The following ZNF277 variants were observed in gnomAD, a reference collection of about 807,000 sequenced individuals.
ZNF277 encodes nuclear receptor-interacting factor 4.
Under a neutral mutation model 60.7 loss-of-function variants are expected in ZNF277, and 55 were observed. The observed-to-expected ratio is 0.91, with a 90% confidence interval of 0.73 to 1.13. The LOEUF (loss-of-function observed/expected upper bound fraction) is 1.13. ZNF277 is among the 50% of genes most tolerant of loss of function. The pLI is 0.00. For synonymous variants in ZNF277, 178 were observed against 179.3 expected (o/e 0.99, Z 0.06); for missense variants, 510 against 523.0 (o/e 0.98, Z 0.24).
intron 4 of ZNF277, among the ~76,000 whole-genome samples, chr7:112,297,607 T>G (rs1183887393): frequency 6.6e-6 from 1 of 152,234 alleles, no homozygotes; most frequent in Non-Finnish European, 1.5e-5. Context: ...AAGAAAAGTT[T>G]TCCTGTACAA....
chr7:112,230,391 T>A (rs1208313076), intron 1 of ZNF277, among the ~76,000 whole-genome samples: 2 of 152,224 alleles, frequency 1.3e-5, no homozygotes, highest in Non-Finnish European at 2.9e-5. Context: ...AAATCAGCTA[T>A]GATTTTCTTT....
intron 1 of ZNF277, among the ~76,000 whole-genome samples, chr7:112,268,780 T>A (rs1791602741): frequency 6.6e-6 from 1 of 152,196 alleles, no homozygotes. Flanking sequence ...TACTCTCAAT[T>A]TTTTTAAGAT....
intron 2 of ZNF277, among the ~76,000 whole-genome samples, chr7:112,293,579 C>CAA (rs35455828): frequency 0.016 from 1,849 of 114,976 alleles, 51 homozygotes; most frequent in African/African-American, 0.053. Context: ...GATCTTATCT[C>CAA]AAAAAAAAAA....
At chr7:112,325,792 G>T (rs1793079226) in intron 5 of ZNF277, among the ~76,000 whole-genome samples, 1 of 152,130 alleles carries the variant, frequency 6.6e-6, no homozygotes, top group African/African-American at 2.4e-5. Context: ...GGAACACTTT[G>T]GAGTCAGGAA....
intron 5 of ZNF277, among the ~76,000 whole-genome samples, chr7:112,320,917 CTTTTTT>C (rs1230552751): frequency 6.6e-4 from 65 of 98,354 alleles, no homozygotes; most frequent in African/African-American, 1.7e-3. Context: ...TTGTTTCTTT[CTTTTTT>C]TTTTTTTTTT....
At position 112,330,178 on chromosome 7, in the gene ZNF277, AACAGAG is replaced by A; in HGVS notation, c.765_770del (p.Asn255_Glu257delinsLys). The A allele has an allele frequency of 5.0e-6, 8 of 1,613,146 alleles. No individual in the cohort carries two copies. Among genetic ancestry groups the A allele is most frequent in the Non-Finnish European group, 6.8e-6 (8 of 1,179,792 alleles). ...ACAGCATCGTAAGATTAATCCTAAG[AACAGAG>A]AATATGACAGATTTTATGTCATCAA... On this transcript the variant is annotated inframe_deletion, in exon 7 of 12. Coordinates refer to ENST00000361822, the MANE Select transcript of ZNF277 (RefSeq NM_021994.3).
intron 1 of ZNF277, among the ~76,000 whole-genome samples, chr7:112,257,190 T>C (rs1032675574): frequency 6.6e-6 from 1 of 152,252 alleles, no homozygotes; most frequent in Non-Finnish European, 1.5e-5. Context: ...TAAATTGCTG[T>C]ATATTTTTGG....
chr7:112,325,190 C>T (rs1584412045), intron 5 of ZNF277, among the ~76,000 whole-genome samples: 1 of 152,146 alleles, frequency 6.6e-6, no homozygotes, highest in Admixed American at 6.5e-5. Flanking sequence ...CTGTACCTGG[C>T]CCCCTTTTCA....
At chr7:112,247,970 A>G (rs1273982487) in intron 1 of ZNF277, among the ~76,000 whole-genome samples, 5 of 148,650 alleles carry the variant, frequency 3.4e-5, no homozygotes, top group African/African-American at 9.8e-5. Flanking sequence ...TCCATCTCAA[A>G]AAAAAAAAAA....
At chr7:112,223,254 A>G (rs1822081843) in intron 1 of ZNF277, among the ~76,000 whole-genome samples, 1 of 152,172 alleles carries the variant, frequency 6.6e-6, no homozygotes, top group South Asian at 2.1e-4. Context: ...GGGCCATTTC[A>G]GGATCTGCTG....
At position 112,342,456 on chromosome 7, in the gene ZNF277, G is replaced by T. The variant is rs140397172; in HGVS notation, c.1185-105G>T. On this transcript the variant is annotated intron_variant, in intron 11 of 11. Transcript: ENST00000361822. The stretch of plus-strand genomic sequence containing the variant: ...AGCCTTTGCAAAATGCTATGAAATT[G>T]TTGGCAAGGATACCTGACAAAATTA... 215 of 979,738 alleles carry T rather than the reference G, an allele frequency of 2.2e-4. 4 individuals carry two copies. The East Asian group carries it at 5.4e-3, about 25-fold the overall frequency. The allele number at this position is 979,738 out of a possible 1,614,324, so 60.7% of individuals were successfully genotyped here.
intron 5 of ZNF277, among the ~76,000 whole-genome samples, chr7:112,322,818 C>A (rs902442195): frequency 2.2e-4 from 34 of 152,082 alleles, no homozygotes; most frequent in South Asian, 4.1e-4. Context: ...AAAAACTCAA[C>A]ATTTAAGTAA....
intron 1 of ZNF277, among the ~76,000 whole-genome samples, chr7:112,282,728 GT>G (rs1245969860): frequency 6.6e-6 from 1 of 152,202 alleles, no homozygotes; most frequent in Non-Finnish European, 1.5e-5. Context: ...TAGAACATAA[GT>G]GGCTTTACTT....
chr7:112,283,251 G>T (rs1162407067), intron 1 of ZNF277, among the ~76,000 whole-genome samples: 1 of 152,086 alleles, frequency 6.6e-6, no homozygotes, highest in Non-Finnish European at 1.5e-5. Context: ...TTTCTGGCTG[G>T]GTGCCGTGGC....
chr7:112,224,594 G>A (rs1445896402), intron 1 of ZNF277, among the ~76,000 whole-genome samples: 1 of 152,204 alleles, frequency 6.6e-6, no homozygotes, highest in Non-Finnish European at 1.5e-5. Context: ...ATATCACCTG[G>A]GGGATGGCAA....
chr7:112,340,358 G>A (rs2117146956), intron 10 of ZNF277, among the ~76,000 whole-genome samples: 1 of 152,292 alleles, frequency 6.6e-6, no homozygotes, highest in South Asian at 2.1e-4. Flanking sequence ...ATCATTCTAA[G>A]TATCACAACA....
At chr7:112,304,259 G>C (rs1792543195) in intron 4 of ZNF277, among the ~76,000 whole-genome samples, 1 of 152,062 alleles carries the variant, frequency 6.6e-6, no homozygotes, top group Non-Finnish European at 1.5e-5. Flanking sequence ...AGAGCTGTGT[G>C]TTTAAGTATA....
chr7:112,302,662 GTC>G (rs1228493712), intron 4 of ZNF277, among the ~76,000 whole-genome samples: 1 of 151,984 alleles, frequency 6.6e-6, no homozygotes, highest in East Asian at 1.9e-4. Context: ...ATTATTCTGA[GTC>G]CTAAGGTTCA....
Position 112,343,629 on chromosome 7 carries a change from T to A in ZNF277, c.*900T>A, listed in dbSNP as rs1029196441. On this transcript the variant is annotated 3_prime_UTR_variant, in exon 12 of 12. Coordinates refer to ENST00000361822, the MANE Select transcript of ZNF277 (RefSeq NM_021994.3). ...TAATTTGGATATAATGAAGAAACAG[T>A]CAAATCCAAGTTTGAGGCTGGGCAC... Among the ~76,000 whole-genome samples, 3 of 151,974 alleles carry A rather than the reference T, an allele frequency of 2.0e-5. No individual in the cohort carries two copies. The highest frequency in any genetic ancestry group is 2.9e-5 in the Non-Finnish European group (2 of 68,000).
Sources: allele counts gnomAD v4.1 joint callset (sites outside exome capture counted in the v4.1 genomes callset), GRCh38; gene constraint gnomAD v4.1.1; transcripts MANE v1.5; gene names NCBI Gene and HGNC (gene_info 2026-07-23, HGNC 2026-07-21).